Variants in AFF3 observed in about 807,000 individuals in gnomAD.
AFF3 encodes ALF transcription elongation factor 3.
AFF3 carries 32 observed loss-of-function variants against 129.7 expected under a neutral mutation model. That is an observed-to-expected ratio of 0.25 (90% CI 0.19 to 0.33). AFF3 has a LOEUF of 0.33. Ranked by LOEUF, AFF3 falls within the 10% of genes least tolerant of loss-of-function variation. The pLI is 1.00. For synonymous variants in AFF3, 644 were observed against 635.4 expected (o/e 1.01, Z -0.20); for missense variants, 1,373 against 1,592.0 (o/e 0.86, Z 2.34).
Position 99,805,851 on chromosome 2 carries a change from C to CA in AFF3, c.921+31625_921+31626insT, listed in dbSNP as rs57054788. On this transcript the variant is annotated intron_variant, in intron 8 of 24. Transcript: ENST00000672756. ...ACACACACACACACACACACACACACGATGAAGGAACATTTGCCCGCTCTT... is the reference window on the plus strand; with the variant it reads ...ACACACACACACACACACACACACACAGATGAAGGAACATTTGCCCGCTCTT... Among the ~76,000 whole-genome samples the CA allele has an allele frequency of 3.4e-4, 51 of 150,330 alleles. 1 individual carries two copies. Among genetic ancestry groups the CA allele is most frequent in the Non-Finnish European group, 1.5e-5 (1 of 67,756 alleles).
At chr2:99,697,937 T>C (rs1463486968) in intron 11 of AFF3, among the ~76,000 whole-genome samples, 1 of 152,248 alleles carries the variant, frequency 6.6e-6, no homozygotes, top group African/African-American at 2.4e-5. Context: ...TGCCAATATA[T>C]GCACACCTGC....
intron 8 of AFF3, among the ~76,000 whole-genome samples, chr2:99,810,561 T>C (rs1440523824): frequency 6.6e-6 from 1 of 152,256 alleles, no homozygotes; most frequent in African/African-American, 2.4e-5. Context: ...GTAATTGTGG[T>C]CACACATTAG....
chr2:100,090,674 T>C (rs1020661612), intron 4 of AFF3, among the ~76,000 whole-genome samples: 7 of 151,776 alleles, frequency 4.6e-5, no homozygotes, highest in African/African-American at 1.7e-4. Flanking sequence ...TACATACATA[T>C]ATATATATAT....
intron 8 of AFF3, among the ~76,000 whole-genome samples, chr2:99,790,859 G>GCATA (rs1685142708): frequency 6.6e-6 from 1 of 152,160 alleles, no homozygotes; most frequent in African/African-American, 2.4e-5. Context: ...CTTGCACACG[G>GCATA]CATAGCTTTA....
chr2:100,139,319 TG>T, intron 1 of AFF3, among the ~76,000 whole-genome samples: 1 of 152,340 alleles, frequency 6.6e-6, no homozygotes, highest in South Asian at 2.1e-4. Context: ...ACATGTCCCC[TG>T]GTCTGCTGGC....
chr2:99,998,383 G>C (rs1323630194), intron 7 of AFF3, among the ~76,000 whole-genome samples: 1 of 152,058 alleles, frequency 6.6e-6, no homozygotes, highest in Non-Finnish European at 1.5e-5. Context: ...GGGGGTTTCA[G>C]CATGTAGCAG....
At chr2:99,911,797 T>TA (rs763505390) in intron 7 of AFF3, among the ~76,000 whole-genome samples, 13 of 152,136 alleles carry the variant, frequency 8.5e-5, no homozygotes, top group Non-Finnish European at 1.6e-4. Flanking sequence ...TGCCAGGTGT[T>TA]AGAGAACTCT....
At chr2:99,747,301 A>G (rs1681250463) in intron 9 of AFF3, among the ~76,000 whole-genome samples, 1 of 151,900 alleles carries the variant, frequency 6.6e-6, no homozygotes, top group African/African-American at 2.4e-5. Flanking sequence ...AAGTGCTGGG[A>G]TTACAGGCTT....
In AFF3 at chr2:99,547,039, AACAT is replaced by A; in HGVS notation, c.*4431_*4434del. ...GTAAACTATAGTTATAATGAAGAAA[AACAT>A]ACTTCTTTTCCATGAAAAATGTCAG... On this transcript the variant is annotated 3_prime_UTR_variant, in exon 25 of 25. Transcript: ENST00000672756. The A allele has an allele frequency of 9.1e-6, 2 of 219,392 alleles. No homozygotes were observed. Among genetic ancestry groups the A allele is most frequent in the Non-Finnish European group, 1.8e-5 (2 of 109,416 alleles). The allele number at this position is 219,392 out of a possible 1,614,324, so 13.6% of individuals were successfully genotyped here. A position where few individuals can be genotyped will look rare whatever the true frequency, so the allele number is the denominator to read the frequency against.
At chr2:99,854,767 A>C (rs1418272163) in intron 7 of AFF3, among the ~76,000 whole-genome samples, 1 of 152,188 alleles carries the variant, frequency 6.6e-6, no homozygotes, top group East Asian at 1.9e-4. Context: ...TTAGAGTATT[A>C]TAACTGGAAA....
intron 2 of AFF3, among the ~76,000 whole-genome samples, chr2:100,108,750 G>A (rs1018216805): frequency 6.6e-6 from 1 of 152,054 alleles, no homozygotes; most frequent in Non-Finnish European, 1.5e-5. Flanking sequence ...TTCCATAATA[G>A]CTGATTATTG....
intron 4 of AFF3, among the ~76,000 whole-genome samples, chr2:100,060,272 ATG>A (rs1204654171): frequency 1.3e-5 from 2 of 152,232 alleles, no homozygotes; most frequent in African/African-American, 4.8e-5. Flanking sequence ...TAAGCTTTAC[ATG>A]TGTTACCTCA....
At chr2:99,860,728 G>GAA (rs566175906) in intron 7 of AFF3, among the ~76,000 whole-genome samples, 1 of 128,534 alleles carries the variant, frequency 7.8e-6, no homozygotes, top group African/African-American at 2.9e-5. Context: ...TCCGTCTCAA[G>GAA]AAAAAAAAAA....
intron 11 of AFF3, among the ~76,000 whole-genome samples, chr2:99,701,858 G>T (rs1211702420): frequency 2.0e-5 from 3 of 152,190 alleles, no homozygotes; most frequent in Non-Finnish European, 4.4e-5. Flanking sequence ...CCACTGATCT[G>T]TTCTCCGTCT....
intron 13 of AFF3, among the ~76,000 whole-genome samples, chr2:99,644,334 C>A (rs1345963743): frequency 1.3e-5 from 2 of 151,524 alleles, no homozygotes; most frequent in African/African-American, 4.8e-5. Flanking sequence ...TTCATGTTGG[C>A]TTTTTTGCTC....
intron 13 of AFF3, among the ~76,000 whole-genome samples, chr2:99,636,502 C>T (rs966595973): frequency 6.6e-6 from 1 of 152,224 alleles, no homozygotes; most frequent in East Asian, 1.9e-4. Context: ...TAAATACTGC[C>T]TCTCGGGATG....
chr2:99,698,182 T>C (rs1676489192), intron 11 of AFF3, among the ~76,000 whole-genome samples: 1 of 152,234 alleles, frequency 6.6e-6, no homozygotes, highest in South Asian at 2.1e-4. Flanking sequence ...AATCTCTAGA[T>C]AGGCATCTCT....
At chr2:99,696,052 C>T (rs1676236346) in intron 11 of AFF3, among the ~76,000 whole-genome samples, 2 of 150,916 alleles carry the variant, frequency 1.3e-5, no homozygotes, top group Admixed American at 1.3e-4. Context: ...ATCCCTTTCC[C>T]AAGAAAGACA....
rs1477793842 is a variant in AFF3, at chr2:99,791,901, G to A, written c.922-39600C>T. Among the ~76,000 whole-genome samples the A allele has an allele frequency of 3.3e-5, 5 of 151,294 alleles. No individual in the cohort carries two copies. The East Asian group carries it at 5.8e-4, about 18-fold the overall frequency. ...GCTCAGTGCTGTCTAGTGATCCCAA[G>A]TGCAAAAAAGTTGTGATGTCCCTTA... is the stretch of plus-strand genomic sequence containing the variant. On this transcript the variant is annotated intron_variant, in intron 8 of 24. Transcript: ENST00000672756.
Sources: allele counts gnomAD v4.1 joint callset (sites outside exome capture counted in the v4.1 genomes callset), GRCh38; gene constraint gnomAD v4.1.1; transcripts MANE v1.5; gene names NCBI Gene and HGNC (gene_info 2026-07-23, HGNC 2026-07-21).